Variants in BOP1 observed in about 807,000 individuals in gnomAD.
BOP1 encodes BOP1 ribosomal biogenesis factor, also known as ribosome biogenesis protein BOP1.
BOP1 carries 54 observed loss-of-function variants against 82.9 expected under a neutral mutation model. The ratio of observed to expected loss-of-function variants is 0.65; its 90% CI spans 0.52 to 0.82. The LOEUF (loss-of-function observed/expected upper bound fraction) is 0.82, where lower values mean the gene tolerates loss of function less well. Ranked by LOEUF, BOP1 falls within the 40% of genes least tolerant of loss-of-function variation. The pLI is 0.00. For synonymous variants in BOP1, 566 were observed against 451.1 expected (o/e 1.25, Z -3.23); for missense variants, 1,170 against 1,072.0 (o/e 1.09, Z -1.28).
chr8:144,264,711 T>G lies in BOP1; in HGVS notation c.663+3A>C. ...CGCCCAGGGGCCAGCCCCTGCCACC[T>G]ACCTCATAGGGGTTGAAGCCCACAT... On this transcript the variant is annotated splice_donor_region_variant and intron_variant, in intron 5 of 15. Transcript: ENST00000569669. The G allele has an allele frequency of 1.9e-6, 3 of 1,571,984 alleles. No homozygotes were observed. The highest frequency in any genetic ancestry group is 8.6e-7 in the Non-Finnish European group (1 of 1,159,216).
At position 144,264,598 on chromosome 8, in the gene BOP1, TGAA is replaced by T; in HGVS notation, c.679_681del (p.Phe227del). The T allele has an allele frequency of 6.2e-7, 1 of 1,604,124 alleles. No individual in the cohort carries two copies. Among genetic ancestry groups the T allele is most frequent in the Non-Finnish European group, 8.5e-7 (1 of 1,175,662 alleles). ...ACCGGGTGGATCATGACGTCCCCGC[TGAA>T]GAAGTCGACAGCCGGCTGGGGGAGA... On this transcript the variant is annotated inframe_deletion, in exon 6 of 16. Transcript: ENST00000569669.
At position 144,264,220 on chromosome 8, in the gene BOP1, C is replaced by T. The variant is rs1845304606; in HGVS notation, c.978+5G>A. The T allele has an allele frequency of 1.9e-6, 3 of 1,607,080 alleles. No individual in the cohort carries two copies. The highest frequency in any genetic ancestry group is 1.3e-5 in the African/African-American group (1 of 74,816). Reference sequence around the variant, plus strand: ...AGGGTCCCGGCCCCCAGGATGCAGGCCCACCTCCTCCTCGCTGAGCAGGTA... The same window carrying T: ...AGGGTCCCGGCCCCCAGGATGCAGGTCCACCTCCTCCTCGCTGAGCAGGTA... On this transcript the variant is annotated splice_donor_5th_base_variant and intron_variant, in intron 7 of 15. Transcript: ENST00000569669.
At chr8:144,286,400 C>T (rs1369656879) in intron 2 of BOP1, among the ~76,000 whole-genome samples, 1 of 146,622 alleles carries the variant, frequency 6.8e-6, no homozygotes, top group Non-Finnish European at 1.5e-5. Flanking sequence ...TGCATGGGCG[C>T]CACGGCAGGG....
At chr8:144,275,785 G>A (rs1588599006) in intron 3 of BOP1, among the ~76,000 whole-genome samples, 2 of 152,114 alleles carry the variant, frequency 1.3e-5, no homozygotes, top group Non-Finnish European at 2.9e-5. Flanking sequence ...CTGCCCGCCT[G>A]GCCCCCAGCC....
intron 3 of BOP1, among the ~76,000 whole-genome samples, chr8:144,274,741 G>C (rs1845543215): frequency 6.6e-6 from 1 of 152,258 alleles, no homozygotes; most frequent in African/African-American, 2.4e-5. Flanking sequence ...GCAGGCGGCG[G>C]TGGCACTGGA....
intron 2 of BOP1, among the ~76,000 whole-genome samples, chr8:144,277,907 T>A (rs587682016): frequency 1.0e-5 from 1 of 95,422 alleles, no homozygotes; most frequent in South Asian, 3.4e-4. Flanking sequence ...TTGAACGTAT[T>A]TTTTTTAACT....
intron 3 of BOP1, chr8:144,267,060 C>A: frequency 1.4e-6 from 2 of 1,471,368 alleles, no homozygotes; most frequent in South Asian, 2.6e-5. Flanking sequence ...GGCCCGCCTT[C>A]TTCCACGCGG....
intron 2 of BOP1, among the ~76,000 whole-genome samples, chr8:144,285,948 C>T (rs542963614): frequency 6.8e-4 from 103 of 152,344 alleles, no homozygotes; most frequent in African/African-American, 2.4e-3. Flanking sequence ...GCCATCTTGG[C>T]GGCACTCTGG....
At position 144,263,025 on chromosome 8, in the gene BOP1, C is replaced by T. The variant is rs781887177; in HGVS notation, c.1722G>A (p.Pro574=). Residue 574 remains proline (P), a synonymous_variant, in exon 13 of 16, where the codon CCG becomes CCA. Transcript: ENST00000569669. ...HQLSRRRSQS[P]FRRSHGQVQR... The stretch of plus-strand genomic sequence containing the variant: ...GCACCTGTCCGTGGCTGCGGCGGAA[C>T]GGACTCTGGCTGCGGCGACGGCTCA... 1.9e-5 allele frequency: 30 copies of T among 1,565,286 alleles called. No homozygotes were observed. In the South Asian group the frequency reaches 2.2e-4, roughly 11 times the overall value.
chr8:144,267,122 G>T (rs1194446517), intron 3 of BOP1: 3 of 1,486,210 alleles, frequency 2.0e-6, no homozygotes, highest in East Asian at 5.5e-5. Context: ...GCCCGCGACG[G>T]CGAGAACACC....
chr8:144,283,661 C>T (rs900762056), intron 2 of BOP1, among the ~76,000 whole-genome samples: 1 of 152,090 alleles, frequency 6.6e-6, no homozygotes, highest in Non-Finnish European at 1.5e-5. Context: ...CCCAGCTGTG[C>T]GAGCCTCATT....
At chr8:144,271,258 G>C (rs1490955746) in intron 3 of BOP1, among the ~76,000 whole-genome samples, 1 of 152,102 alleles carries the variant, frequency 6.6e-6, no homozygotes, top group Non-Finnish European at 1.5e-5. Flanking sequence ...CCCCAAAGTG[G>C]CTGCAGCTGT....
chr8:144,263,325 C>T lies in BOP1; in HGVS notation c.1501G>A (p.Ala501Thr), dbSNP rs1340819628. 3.8e-5 allele frequency: 61 copies of T among 1,594,262 alleles called. No homozygotes were observed. Among genetic ancestry groups the T allele is most frequent in the South Asian group, 3.2e-4 (29 of 90,602 alleles). ...GGGGGCTCCTCAGGCGGGACGAAGG[C>T]GCTCAACAGCTGATCTGTGCTGCCC... Reference protein sequence around the residue: ...VAGSTDQLLSAFVPPEEPPLQ... With the variant: ...VAGSTDQLLSTFVPPEEPPLQ... The change falls in exon 12 of 16, where the codon GCC becomes ACC. Residue 501 changes from alanine to threonine, a missense_variant. By Grantham distance (58) the Ala-to-Thr change is moderately conservative. Transcript: ENST00000569669.
At chr8:144,266,312 C>G (rs1845361384) in intron 3 of BOP1, among the ~76,000 whole-genome samples, 1 of 152,048 alleles carries the variant, frequency 6.6e-6, no homozygotes, top group Non-Finnish European at 1.5e-5. Flanking sequence ...CCGCCCCCCC[C>G]ACCCCCGCCA....
Position 144,262,939 on chromosome 8 carries a change from C to T in BOP1, c.1808G>A (p.Arg603His), listed in dbSNP as rs1845259116. The T allele has an allele frequency of 7.1e-6, 11 of 1,546,602 alleles. No homozygotes were observed. The highest frequency in any genetic ancestry group is 9.5e-6 in the Non-Finnish European group (11 of 1,152,620). Reference protein sequence around the residue: ...FLLVASQRSVRLYHLLRQELT... With the variant: ...FLLVASQRSVHLYHLLRQELT... ...CTCCTGGCGCAGCAGGTGGTAGAGG[C>T]GGACGCTGCGCTGGGACGCCACCAA... The change falls in exon 13 of 16, where the codon CGC (arginine) becomes CAC (histidine). Residue 603 changes from arginine to histidine, a missense_variant. By Grantham distance (29) the Arg-to-His change is conservative (BLOSUM62 0). Transcript: ENST00000569669.
At chr8:144,269,076 C>T (rs1326583247) in intron 3 of BOP1, among the ~76,000 whole-genome samples, 1 of 152,192 alleles carries the variant, frequency 6.6e-6, no homozygotes, top group African/African-American at 2.4e-5. Context: ...GGAAGGAGGA[C>T]CCCTGGCCAT....
In BOP1 at chr8:144,276,321, A is replaced by C. The variant is rs1845567678; in HGVS notation, c.310-17T>G. 6.2e-7 allele frequency: 1 copy of C among 1,612,018 alleles called. No individual in the cohort carries two copies. The highest frequency in any genetic ancestry group is 8.5e-7 in the Non-Finnish European group (1 of 1,179,750). On this transcript the variant is annotated splice_polypyrimidine_tract_variant and intron_variant, in intron 2 of 15. Coordinates refer to ENST00000569669, the MANE Select transcript of BOP1 (RefSeq NM_015201.5). ...AGTGCTGGCCTGCAGAGAGAGAGAG[A>C]AAATGGTCACTTCAGGGGATACAGG...
chr8:144,264,470 C>A, intron 6 of BOP1, 33 bp from the exon 7 acceptor site: 1 of 1,606,838 alleles, frequency 6.2e-7, no homozygotes, highest in Non-Finnish European at 8.5e-7. Flanking sequence ...ACGGGCAGTG[C>A]GGGGCGGTCA....
chr8:144,288,335 C>T (rs994616468), intron 2 of BOP1, among the ~76,000 whole-genome samples: 1 of 149,956 alleles, frequency 6.7e-6, no homozygotes, highest in African/African-American at 2.5e-5. Flanking sequence ...CGAGACCAGC[C>T]TGGCCAACAC....
Sources: allele counts gnomAD v4.1 joint callset (sites outside exome capture counted in the v4.1 genomes callset), GRCh38; gene constraint gnomAD v4.1.1; transcripts MANE v1.5; gene names NCBI Gene and HGNC (gene_info 2026-07-23, HGNC 2026-07-21).